The following ETV6 variants were observed in gnomAD, a reference collection of about 807,000 sequenced individuals.
ETV6 encodes ETS variant transcription factor 6.
In ETV6, 16 loss-of-function variants were observed where a neutral mutation model predicts 51.1. That is an observed-to-expected ratio of 0.31 (90% CI 0.21 to 0.48). The LOEUF (loss-of-function observed/expected upper bound fraction) is 0.48. Among genes scored for constraint, ETV6 ranks in the 20% least tolerant of loss-of-function variants. ETV6 has a pLI of 0.99. For synonymous variants in ETV6, 240 were observed against 224.1 expected, an observed-to-expected ratio of 1.07 and a Z score of -0.64; for missense variants, 458 against 594.8, an observed-to-expected ratio of 0.77 and a Z score of 2.39.
chr12:11,668,726 C>T (rs924673913), intron 1 of ETV6, among the ~76,000 whole-genome samples: 1 of 152,192 alleles, frequency 6.6e-6, no homozygotes. Flanking sequence ...AAGTTGAGAT[C>T]AGGAAGAAAT....
intron 4 of ETV6, among the ~76,000 whole-genome samples, chr12:11,866,898 G>A (rs1946797589): frequency 6.6e-6 from 1 of 152,214 alleles, no homozygotes; most frequent in Non-Finnish European, 1.5e-5. Context: ...CACTGTATGG[G>A]ATTTGTTTCT....
chr12:11,695,463 C>G (rs991534619), intron 1 of ETV6, among the ~76,000 whole-genome samples: 2 of 152,228 alleles, frequency 1.3e-5, no homozygotes, highest in East Asian at 3.8e-4. Flanking sequence ...GGTCCTCCAG[C>G]TGAAGTGAGT....
Position 11,679,694 on chromosome 12 carries a change from C to T in ETV6, c.33+29534C>T, listed in dbSNP as rs118061956. Among the ~76,000 whole-genome samples, 558 of 152,320 alleles carry T rather than the reference C, an allele frequency of 3.7e-3. 3 individuals carry two copies. The highest frequency in any genetic ancestry group is 6.7e-3 in the Non-Finnish European group (454 of 68,018). On this transcript the variant is annotated intron_variant, in intron 1 of 7. Coordinates refer to ENST00000396373, the MANE Select transcript of ETV6 (RefSeq NM_001987.5). ...TCTCTCCTCCCACAGGGAAATGGCA[C>T]ATTTAGGAAGAGTTTCCATTATTTG...
At chr12:11,687,037 C>T (rs2120771496) in intron 1 of ETV6, among the ~76,000 whole-genome samples, 1 of 152,188 alleles carries the variant, frequency 6.6e-6, no homozygotes, top group African/African-American at 2.4e-5. Context: ...AGGCGCACAC[C>T]ACTGCACCCA....
intron 1 of ETV6, among the ~76,000 whole-genome samples, chr12:11,708,051 G>T (rs1449618872): frequency 6.6e-6 from 1 of 152,114 alleles, no homozygotes; most frequent in East Asian, 1.9e-4. Flanking sequence ...TTATAATTTT[G>T]AATGTTCTGT....
intron 1 of ETV6, among the ~76,000 whole-genome samples, chr12:11,660,421 A>G (rs1449949498): frequency 6.6e-6 from 1 of 152,046 alleles, no homozygotes; most frequent in Non-Finnish European, 1.5e-5. Flanking sequence ...CCTGGCCAAC[A>G]TGGTGAAACC....
intron 2 of ETV6, among the ~76,000 whole-genome samples, chr12:11,776,244 G>A (rs1327624339): frequency 3.9e-5 from 6 of 152,100 alleles, no homozygotes; most frequent in East Asian, 1.9e-4. Flanking sequence ...GCTAAAGCCC[G>A]TCACAGCAGC....
At chr12:11,791,829 C>G (rs930714818) in intron 2 of ETV6, among the ~76,000 whole-genome samples, 2 of 151,752 alleles carry the variant, frequency 1.3e-5, no homozygotes, top group Admixed American at 6.6e-5. Context: ...TTTCTCAAAC[C>G]CAGCTGCACA....
chr12:11,747,202 A>AT (rs758376160), intron 1 of ETV6, among the ~76,000 whole-genome samples: 8 of 152,076 alleles, frequency 5.3e-5, no homozygotes, highest in Non-Finnish European at 8.8e-5. Flanking sequence ...GGGTACACTC[A>AT]TTTTTTTCCC....
At chr12:11,699,168 C>A (rs78117333) in intron 1 of ETV6, among the ~76,000 whole-genome samples, 1 of 152,000 alleles carries the variant, frequency 6.6e-6, no homozygotes. Context: ...AACATTCTTT[C>A]TTTTCTGCTT....
At chr12:11,808,848 T>G (rs1591688312) in intron 2 of ETV6, among the ~76,000 whole-genome samples, 1 of 152,136 alleles carries the variant, frequency 6.6e-6, no homozygotes, top group Non-Finnish European at 1.5e-5. Context: ...AGGGAATTCA[T>G]TGATGACAGG....
intron 3 of ETV6, among the ~76,000 whole-genome samples, chr12:11,842,899 T>G (rs1946411213): frequency 9.0e-6 from 1 of 110,652 alleles, no homozygotes; most frequent in African/African-American, 5.2e-5. Context: ...GAAGTAGTGG[T>G]TAGAGTTCAT....
intron 2 of ETV6, among the ~76,000 whole-genome samples, chr12:11,794,043 C>G (rs1461968617): frequency 6.6e-6 from 1 of 152,146 alleles, no homozygotes; most frequent in Non-Finnish European, 1.5e-5. Flanking sequence ...GCTCAGCAAC[C>G]GGGCAGCTGG....
At chr12:11,880,048 AAAAG>A (rs1433725451) in intron 5 of ETV6, among the ~76,000 whole-genome samples, 1 of 151,366 alleles carries the variant, frequency 6.6e-6, no homozygotes, top group African/African-American at 2.4e-5. Flanking sequence ...AAAAAAAAAA[AAAAG>A]GAAAAAAAAT....
chr12:11,855,759 C>T (rs867287588), intron 4 of ETV6, among the ~76,000 whole-genome samples: 5 of 152,268 alleles, frequency 3.3e-5, no homozygotes, highest in Non-Finnish European at 5.9e-5. Context: ...TTCCTCTCAT[C>T]CTTTCCTCCC....
In ETV6 at chr12:11,738,307, C is replaced by CTTTTTTTTT. The variant is rs59241338; in HGVS notation, c.34-14130_34-14122dup. 7.9e-5 allele frequency among the ~76,000 whole-genome samples: 9 copies of CTTTTTTTTT among 114,028 alleles called. 1 individual carries two copies. Among genetic ancestry groups the CTTTTTTTTT allele is most frequent in the African/African-American group, 3.5e-4 (9 of 25,526 alleles). The allele number at this position is 114,028 out of a possible 152,430, so 74.8% of individuals were successfully genotyped here. On this transcript the variant is annotated intron_variant, in intron 1 of 7. Coordinates refer to ENST00000396373, the MANE Select transcript of ETV6 (RefSeq NM_001987.5). ...TCTCTCTGTTTTTTGTTTGTTTTTGCTTTTTTTTTTTTTTTTTTTTTAAAT... is the reference window on the plus strand; with the variant it reads ...TCTCTCTGTTTTTTGTTTGTTTTTGCTTTTTTTTTTTTTTTTTTTTTTTTTTTTTTAAAT...
chr12:11,849,875 A>G (rs971017717), intron 3 of ETV6, among the ~76,000 whole-genome samples: 12 of 152,126 alleles, frequency 7.9e-5, no homozygotes, highest in Non-Finnish European at 1.3e-4. Flanking sequence ...TATCGCTGCC[A>G]ATCATATGCT....
rs1947316746 is a variant in ETV6 at position 11,892,874 on chromosome 12, G to GGAATT, written c.*1831_*1835dup. 1 of 232,984 alleles carries GGAATT rather than the reference G, an allele frequency of 4.3e-6. No homozygotes were observed. Among genetic ancestry groups the GGAATT allele is most frequent in the African/African-American group, 2.2e-5 (1 of 45,322 alleles). The allele number at this position is 232,984 out of a possible 1,614,324, so 14.4% of individuals were successfully genotyped here. A position where few individuals can be genotyped will look rare whatever the true frequency, so the allele number is the denominator to read the frequency against. ...AGATGGACTATGGTTCAAGGACACT[G>GGAATT]GAATTGAGGAGCTGATCAAGGCTCT... On this transcript the variant is annotated 3_prime_UTR_variant, in exon 8 of 8. Transcript: ENST00000396373.
At chr12:11,697,727 T>G (rs1383322556) in intron 1 of ETV6, among the ~76,000 whole-genome samples, 1 of 152,132 alleles carries the variant, frequency 6.6e-6, no homozygotes, top group Non-Finnish European at 1.5e-5. Context: ...AGAGGAGTAA[T>G]TAATTAAAAA....
Sources: allele counts gnomAD v4.1 joint callset (sites outside exome capture counted in the v4.1 genomes callset), GRCh38; gene constraint gnomAD v4.1.1; transcripts MANE v1.5; gene names NCBI Gene and HGNC (gene_info 2026-07-23, HGNC 2026-07-21).